Variants in GPR158 observed in about 807,000 individuals in gnomAD.
GPR158 encodes the protein metabotropic glycine receptor.
In GPR158, 30 loss-of-function variants were observed where a neutral mutation model predicts 78.2. That is an observed-to-expected ratio of 0.38 (90% CI 0.29 to 0.52). The LOEUF is 0.52. Among genes scored for constraint, GPR158 ranks in the 20% least tolerant of loss-of-function variants. GPR158 has a pLI of 0.83. For missense variants in GPR158, 1,463 were observed against 1,523.5 expected (o/e 0.96, Z 0.66); for synonymous variants, 581 against 591.1 (o/e 0.98, Z 0.25).
intron 7 of GPR158, among the ~76,000 whole-genome samples, chr10:25,586,654 C>G (rs1476121342): frequency 6.6e-6 from 1 of 152,074 alleles, no homozygotes; most frequent in Non-Finnish European, 1.5e-5. Context: ...CCAGCCTGAT[C>G]CACCTGCCTC....
intron 2 of GPR158, among the ~76,000 whole-genome samples, chr10:25,310,758 CTT>C (rs1461117000): frequency 1.3e-5 from 2 of 151,750 alleles, no homozygotes; most frequent in Non-Finnish European, 2.9e-5. Context: ...TATTATTTTT[CTT>C]TTGGATTTTG....
intron 5 of GPR158, among the ~76,000 whole-genome samples, chr10:25,494,631 T>A (rs1007993293): frequency 6.6e-6 from 1 of 152,156 alleles, no homozygotes; most frequent in Non-Finnish European, 1.5e-5. Context: ...CAAAATTTAT[T>A]TAAGTGTGCT....
intron 4 of GPR158, among the ~76,000 whole-genome samples, chr10:25,455,250 T>C (rs1835275159): frequency 6.6e-6 from 1 of 152,130 alleles, no homozygotes; most frequent in Admixed American, 6.6e-5. Flanking sequence ...TAGAAAGAGG[T>C]TTAGTCTGAA....
rs1053218153 is a variant in GPR158, at chr10:25,175,079, C to T, written c.-342C>T. 8.8e-6 allele frequency: 2 copies of T among 227,992 alleles called. No individual in the cohort carries two copies. Among genetic ancestry groups the T allele is most frequent in the Non-Finnish European group, 8.6e-6 (1 of 116,676 alleles). 14.1% of individuals were successfully genotyped at this position (227,992 alleles called of 1,614,324 possible). A position where few individuals can be genotyped will look rare whatever the true frequency, so the allele number is the denominator to read the frequency against. Reference sequence around the variant, plus strand: ...CGCGCCTCAATGAGAGCGGCGGTGGCGGCAGCCGGGCCGAGAGACGGACTC... The same window carrying T: ...CGCGCCTCAATGAGAGCGGCGGTGGTGGCAGCCGGGCCGAGAGACGGACTC... On this transcript the variant is annotated 5_prime_UTR_variant, in exon 1 of 11. Coordinates refer to ENST00000376351, the MANE Select transcript of GPR158 (RefSeq NM_020752.3). The surrounding 1 kb of genome is among the most constrained non-coding windows in gnomAD (Gnocchi z 6.4).
At chr10:25,352,316 G>A (rs564580182) in intron 2 of GPR158, among the ~76,000 whole-genome samples, 2 of 152,140 alleles carry the variant, frequency 1.3e-5, no homozygotes, top group East Asian at 1.9e-4. Flanking sequence ...TACTACTACT[G>A]AGTAAGGCAC....
At chr10:25,272,119 T>G (rs1854125323) in intron 2 of GPR158, among the ~76,000 whole-genome samples, 1 of 152,178 alleles carries the variant, frequency 6.6e-6, no homozygotes, top group Non-Finnish European at 1.5e-5. Context: ...CCTCTGATCC[T>G]CAGAGGTTAA....
At chr10:25,376,749 A>G (rs969011811) in intron 2 of GPR158, among the ~76,000 whole-genome samples, 1 of 151,622 alleles carries the variant, frequency 6.6e-6, no homozygotes, top group Non-Finnish European at 1.5e-5. Flanking sequence ...CTGTTGATGG[A>G]TATTTTTATA....
chr10:25,387,917 T>G (rs915387585), intron 2 of GPR158, among the ~76,000 whole-genome samples: 3 of 152,210 alleles, frequency 2.0e-5, no homozygotes, highest in Admixed American at 2.0e-4. Context: ...GGGCACTTTT[T>G]TATTGGGAAG....
At chr10:25,374,118 T>G (rs543818042) in intron 2 of GPR158, among the ~76,000 whole-genome samples, 1 of 151,748 alleles carries the variant, frequency 6.6e-6, no homozygotes, top group Non-Finnish European at 1.5e-5. Context: ...GGTGCATATA[T>G]ATTTAGAATT....
intron 2 of GPR158, among the ~76,000 whole-genome samples, chr10:25,232,527 T>C (rs1312957007): frequency 6.6e-6 from 1 of 152,210 alleles, no homozygotes; most frequent in Non-Finnish European, 1.5e-5. Flanking sequence ...TGTTCCCTGA[T>C]ATCTTCTTTT....
At position 25,395,927 on chromosome 10, in the gene GPR158, G is replaced by A; in HGVS notation, c.1025G>A (p.Gly342Asp). The stretch of plus-strand genomic sequence containing the variant: ...TCTTCATAGTGTATGCCAATTAAAG[G>A]CCTAGGATTCGTTCTTGGAGCCTAT... ...LNNSECMPIKGLGFVLGAYEC... is the reference protein window; with the variant it reads ...LNNSECMPIKDLGFVLGAYEC... Residue 342 changes from glycine to aspartate, a missense_variant, in exon 3 of 11, where the codon GGC becomes GAC. Coordinates refer to ENST00000376351, the MANE Select transcript of GPR158 (RefSeq NM_020752.3). 6.3e-7 allele frequency: 1 copy of A among 1,587,252 alleles called. No individual in the cohort carries two copies. Among genetic ancestry groups the A allele is most frequent in the South Asian group, 1.1e-5 (1 of 90,542 alleles).
chr10:25,257,392 A>G (rs1853903771), intron 2 of GPR158, among the ~76,000 whole-genome samples: 1 of 152,220 alleles, frequency 6.6e-6, no homozygotes, highest in Non-Finnish European at 1.5e-5. Context: ...CTCTTAATAC[A>G]TTTGGAAAAG....
intron 2 of GPR158, among the ~76,000 whole-genome samples, chr10:25,310,155 C>T (rs1413334056): frequency 6.6e-6 from 1 of 152,182 alleles, no homozygotes; most frequent in Non-Finnish European, 1.5e-5. Context: ...GTTGAAAAGA[C>T]TGTCCTTTCC....
intron 1 of GPR158, among the ~76,000 whole-genome samples, chr10:25,199,159 T>C (rs1040151134): frequency 6.6e-6 from 1 of 150,788 alleles, no homozygotes; most frequent in Non-Finnish European, 1.5e-5. Context: ...TATAGGTTCA[T>C]GGTTACATGT....
chr10:25,470,628 A>G (rs539152740), intron 5 of GPR158, among the ~76,000 whole-genome samples: 63 of 152,320 alleles, frequency 4.1e-4, no homozygotes, highest in Non-Finnish European at 7.3e-4. Context: ...ATGCATAATA[A>G]TTAGTAACAG....
At chr10:25,520,741 G>C (rs559930783) in intron 5 of GPR158, among the ~76,000 whole-genome samples, 5,309 of 151,364 alleles carry the variant, frequency 0.035, 328 homozygotes, top group African/African-American at 0.12. Flanking sequence ...TCTCAGATCT[G>C]CAGCTGCGTG....
intron 6 of GPR158, among the ~76,000 whole-genome samples, chr10:25,571,244 C>T (rs2130730719): frequency 6.6e-6 from 1 of 152,264 alleles, no homozygotes; most frequent in Admixed American, 6.5e-5. Context: ...GTATCTGTTA[C>T]TATATTTCTG....
At chr10:25,258,805 T>G (rs1745345777) in intron 2 of GPR158, among the ~76,000 whole-genome samples, 1 of 152,178 alleles carries the variant, frequency 6.6e-6, no homozygotes, top group African/African-American at 2.4e-5. Context: ...TACATGTAAC[T>G]TTCGATTCCC....
chr10:25,517,768 G>T lies in GPR158; in HGVS notation c.1405-33208G>T, dbSNP rs933289438. The stretch of plus-strand genomic sequence containing the variant: ...GCTTTTTGATGTGCTGCTGGATTCA[G>T]TTTGCCAGTATTTTGTTGAGGATTT... On this transcript the variant is annotated intron_variant, in intron 5 of 10. Coordinates refer to ENST00000376351, the MANE Select transcript of GPR158 (RefSeq NM_020752.3). Among the ~76,000 whole-genome samples, 18 of 151,622 alleles carry T rather than the reference G, an allele frequency of 1.2e-4. No homozygotes were observed. In the South Asian group the frequency reaches 2.9e-3, roughly 25 times the overall value.
Sources: allele counts gnomAD v4.1 joint callset (sites outside exome capture counted in the v4.1 genomes callset), GRCh38; gene constraint gnomAD v4.1.1; non-coding constraint Gnocchi (gnomAD v3.1); transcripts MANE v1.5; gene names NCBI Gene and HGNC (gene_info 2026-07-23, HGNC 2026-07-21).